The following MOB3B variants were observed in gnomAD, a reference collection of about 807,000 sequenced individuals.
The protein encoded by MOB3B is MOB kinase activator-like 2B.
MOB3B carries 7 observed loss-of-function variants against 18.7 expected under a neutral mutation model. That is an observed-to-expected ratio of 0.37 (90% confidence interval 0.21 to 0.70). The LOEUF (loss-of-function observed/expected upper bound fraction) is 0.70. Ranked by LOEUF, MOB3B falls within the 30% of genes least tolerant of loss-of-function variation. The pLI, the probability that MOB3B is intolerant of heterozygous loss-of-function variation, is 0.52. For synonymous variants in MOB3B, 111 were observed against 99.9 expected (o/e 1.11, Z -0.66); for missense variants, 253 against 281.3 (o/e 0.90, Z 0.72).
chr9:27,455,654 G>A lies in MOB3B; in HGVS notation c.-104C>T. ...CAGTGTTTTCCACTGCCAGCACTCA[G>A]GCCCCAGTCTTACAGCCTGTAGCTT... On this transcript the variant is annotated 5_prime_UTR_variant, in exon 2 of 4. Transcript: ENST00000262244. 3 of 1,566,406 alleles carry A rather than the reference G, an allele frequency of 1.9e-6. No individual in the cohort carries two copies. The highest frequency in any genetic ancestry group is 2.6e-6 in the Non-Finnish European group (3 of 1,164,548).
At chr9:27,369,936 CTTTTTTTTTT>C (rs59186320) in intron 2 of MOB3B, among the ~76,000 whole-genome samples, 4 of 125,952 alleles carry the variant, frequency 3.2e-5, no homozygotes, top group Non-Finnish European at 6.7e-5. Context: ...TTTAATTGTC[CTTTTTTTTTT>C]TTTTTTTTTG....
chr9:27,516,623 G>A (rs1563888256), intron 1 of MOB3B, among the ~76,000 whole-genome samples: 1 of 151,910 alleles, frequency 6.6e-6, no homozygotes, highest in Non-Finnish European at 1.5e-5. Flanking sequence ...CAAACAAAAC[G>A]AAAAAAACAG....
intron 3 of MOB3B, among the ~76,000 whole-genome samples, chr9:27,341,220 G>T (rs2131338614): frequency 6.6e-6 from 1 of 152,318 alleles, no homozygotes; most frequent in East Asian, 1.9e-4. Context: ...AGCTTAATGG[G>T]GGCAACTCTT....
chr9:27,330,780 G>C (rs1820775695), intron 3 of MOB3B, among the ~76,000 whole-genome samples, 164 bp from the exon 4 acceptor site: 1 of 137,868 alleles, frequency 7.3e-6, no homozygotes, highest in Non-Finnish European at 1.6e-5. Flanking sequence ...CCATCTGTTT[G>C]TTCTGCAGAA....
intron 1 of MOB3B, among the ~76,000 whole-genome samples, chr9:27,491,037 T>C (rs562213315): frequency 3.3e-5 from 5 of 151,996 alleles, no homozygotes; most frequent in South Asian, 4.2e-4. Flanking sequence ...ATGATAATAA[T>C]AGTGATAATA....
At chr9:27,331,824 C>A (rs1034854911) in intron 3 of MOB3B, among the ~76,000 whole-genome samples, 6 of 152,102 alleles carry the variant, frequency 3.9e-5, no homozygotes, top group African/African-American at 1.4e-4. Context: ...TAGGAAACAT[C>A]GAGAAAAAGG....
chr9:27,418,531 C>A (rs1822191221), intron 2 of MOB3B, among the ~76,000 whole-genome samples: 2 of 152,138 alleles, frequency 1.3e-5, no homozygotes, highest in Non-Finnish European at 2.9e-5. Flanking sequence ...GATGGTTTAA[C>A]ATATGCAAGC....
chr9:27,370,269 G>T (rs1421955712), intron 2 of MOB3B, among the ~76,000 whole-genome samples: 1 of 152,070 alleles, frequency 6.6e-6, no homozygotes, highest in Non-Finnish European at 1.5e-5. Context: ...AGCACTTTGG[G>T]AGGCTAAGGT....
chr9:27,439,577 A>G (rs1477711624), intron 2 of MOB3B, among the ~76,000 whole-genome samples: 1 of 152,212 alleles, frequency 6.6e-6, no homozygotes, highest in Non-Finnish European at 1.5e-5. Context: ...TAGCAAAGCC[A>G]TGACTTGAAA....
At chr9:27,351,466 T>G (rs1821104875) in intron 3 of MOB3B, among the ~76,000 whole-genome samples, 1 of 152,242 alleles carries the variant, frequency 6.6e-6, no homozygotes, top group Non-Finnish European at 1.5e-5. Context: ...ATAGTGGAAA[T>G]GCCATTGTAA....
chr9:27,449,984 T>TAAA (rs35983173), intron 2 of MOB3B, among the ~76,000 whole-genome samples: 6 of 115,648 alleles, frequency 5.2e-5, no homozygotes, highest in Non-Finnish European at 7.3e-5. Flanking sequence ...TCTCAAAAAT[T>TAAA]AAAAAAAAAA....
chr9:27,526,985 C>A (rs1195650367), intron 1 of MOB3B, among the ~76,000 whole-genome samples: 1 of 152,120 alleles, frequency 6.6e-6, no homozygotes, highest in Non-Finnish European at 1.5e-5. Flanking sequence ...CGCATCAGCC[C>A]CTGTGACCTA....
intron 2 of MOB3B, among the ~76,000 whole-genome samples, chr9:27,370,090 T>C (rs1821394290): frequency 6.6e-6 from 1 of 152,192 alleles, no homozygotes; most frequent in African/African-American, 2.4e-5. Context: ...TGAATGCTTA[T>C]GCCCCCCTCA....
At chr9:27,503,582 G>A (rs1384832317) in intron 1 of MOB3B, among the ~76,000 whole-genome samples, 1 of 152,192 alleles carries the variant, frequency 6.6e-6, no homozygotes, top group African/African-American at 2.4e-5. Context: ...CTCTGCCCCA[G>A]ATTCTGACTT....
chr9:27,404,351 T>C (rs1234794172), intron 2 of MOB3B, among the ~76,000 whole-genome samples: 19 of 118,470 alleles, frequency 1.6e-4, no homozygotes, highest in African/African-American at 5.9e-4. Context: ...TTCTTTCTTT[T>C]TTTTTTTTTT....
chr9:27,450,632 C>G (rs1270851519), intron 2 of MOB3B, among the ~76,000 whole-genome samples: 1 of 152,132 alleles, frequency 6.6e-6, no homozygotes, highest in South Asian at 2.1e-4. Context: ...CATTGAAAAG[C>G]CTTTACCATG....
At chr9:27,347,927 A>G (rs551396766) in intron 3 of MOB3B, among the ~76,000 whole-genome samples, 1 of 152,328 alleles carries the variant, frequency 6.6e-6, no homozygotes, top group Non-Finnish European at 1.5e-5. Flanking sequence ...ATACTCTATG[A>G]TCTTCACATT....
chr9:27,529,151 TTG>T (rs1286542494), intron 1 of MOB3B, among the ~76,000 whole-genome samples: 1 of 152,138 alleles, frequency 6.6e-6, no homozygotes, highest in Non-Finnish European at 1.5e-5. Flanking sequence ...TTGTAAAAGT[TTG>T]TCTTCCCGCC....
chr9:27,333,667 A>C (rs1178091138), intron 3 of MOB3B, among the ~76,000 whole-genome samples: 4 of 152,230 alleles, frequency 2.6e-5, no homozygotes, highest in African/African-American at 9.6e-5. Context: ...ATTTTCAAAA[A>C]CACCTGAATT....
Sources: allele counts gnomAD v4.1 joint callset (sites outside exome capture counted in the v4.1 genomes callset), GRCh38; gene constraint gnomAD v4.1.1; transcripts MANE v1.5; gene names NCBI Gene and HGNC (gene_info 2026-07-23, HGNC 2026-07-21).